SORCS3: variants seen among roughly 807,000 people sequenced by gnomAD.
SORCS3 encodes the protein VPS10 domain-containing receptor SorCS3.
Under a neutral mutation model 146.3 loss-of-function variants are expected in SORCS3, and 57 were observed. That is an observed-to-expected ratio of 0.39 (90% CI 0.31 to 0.49). The LOEUF (loss-of-function observed/expected upper bound fraction) is 0.49. Among genes scored for constraint, SORCS3 ranks in the 20% least tolerant of loss-of-function variants. The probability of loss-of-function intolerance (pLI) is 0.92; values close to 1 mark genes in which losing one functional copy is unlikely to be tolerated. For synonymous variants in SORCS3, 653 were observed against 618.5 expected, an observed-to-expected ratio of 1.06 and a Z score of -0.83; for missense variants, 1,341 against 1,575.5, an observed-to-expected ratio of 0.85 and a Z score of 2.52.
At chr10:105,091,237 CTCCT>C (rs1290073435) in intron 6 of SORCS3, among the ~76,000 whole-genome samples, 4 of 90,206 alleles carry the variant, frequency 4.4e-5, no homozygotes, top group African/African-American at 1.4e-4. Context: ...CCTTCCTTCC[CTCCT>C]TCCTTCCTTC....
chr10:104,729,844 T>C (rs2016685896), intron 1 of SORCS3, among the ~76,000 whole-genome samples: 2 of 152,136 alleles, frequency 1.3e-5, no homozygotes, highest in African/African-American at 4.8e-5. Flanking sequence ...CAGTGTGCTG[T>C]AGGGGAAAGC....
chr10:105,114,812 T>C (rs1350667694), intron 7 of SORCS3, among the ~76,000 whole-genome samples: 1 of 152,130 alleles, frequency 6.6e-6, no homozygotes, highest in East Asian at 1.9e-4. Flanking sequence ...AGAAACCTTA[T>C]GTAACAAGGA....
intron 1 of SORCS3, among the ~76,000 whole-genome samples, chr10:104,839,806 C>T (rs187552258): frequency 1.5e-4 from 23 of 152,170 alleles, no homozygotes; most frequent in Non-Finnish European, 2.8e-4. Context: ...GAAAAATGCC[C>T]GTGAGAGAAA....
At chr10:105,200,490 T>C (rs1210408982) in intron 15 of SORCS3, among the ~76,000 whole-genome samples, 1 of 152,138 alleles carries the variant, frequency 6.6e-6, no homozygotes, top group Non-Finnish European at 1.5e-5. Context: ...CAGACTAGCC[T>C]GAAATAAGGG....
intron 6 of SORCS3, among the ~76,000 whole-genome samples, chr10:105,102,638 G>A (rs1300908786): frequency 6.6e-6 from 1 of 152,016 alleles, no homozygotes; most frequent in Non-Finnish European, 1.5e-5. Context: ...CATGCAATTT[G>A]CCTATGCACA....
At chr10:105,025,351 T>A (rs1228686679) in intron 4 of SORCS3, among the ~76,000 whole-genome samples, 1 of 152,146 alleles carries the variant, frequency 6.6e-6, no homozygotes, top group East Asian at 1.9e-4. Flanking sequence ...CTGTGGGCTG[T>A]CCTTTGAGCA....
At chr10:104,777,377 A>G (rs1431374444) in intron 1 of SORCS3, among the ~76,000 whole-genome samples, 4 of 152,172 alleles carry the variant, frequency 2.6e-5, no homozygotes, top group Non-Finnish European at 4.4e-5. Context: ...AGACCCCAAC[A>G]TGCTTAATTC....
At chr10:104,705,112 T>A (rs2016320739) in intron 1 of SORCS3, among the ~76,000 whole-genome samples, 1 of 152,224 alleles carries the variant, frequency 6.6e-6, no homozygotes. Context: ...GAAAAATTTG[T>A]CTGAACTTTA....
chr10:105,064,377 G>A (rs534484756), intron 5 of SORCS3, among the ~76,000 whole-genome samples: 2 of 152,302 alleles, frequency 1.3e-5, no homozygotes, highest in South Asian at 2.1e-4. Context: ...TACAAAGCTG[G>A]ATGGATGATT....
intron 1 of SORCS3, among the ~76,000 whole-genome samples, chr10:104,723,102 T>A (rs1312484713): frequency 6.6e-6 from 1 of 152,240 alleles, no homozygotes; most frequent in Non-Finnish European, 1.5e-5. Flanking sequence ...TCCTGCTTTC[T>A]CTTGTGGGCA....
intron 14 of SORCS3, among the ~76,000 whole-genome samples, chr10:105,198,978 A>T (rs1032515369): frequency 1.3e-5 from 2 of 152,158 alleles, no homozygotes; most frequent in Non-Finnish European, 2.9e-5. Context: ...TTTAGAGAGC[A>T]TAAGAAAATG....
At chr10:104,917,645 C>G (rs2019046089) in intron 3 of SORCS3, among the ~76,000 whole-genome samples, 1 of 152,152 alleles carries the variant, frequency 6.6e-6, no homozygotes, top group Non-Finnish European at 1.5e-5. Flanking sequence ...AACATGCCTC[C>G]CCTTTAACCA....
intron 2 of SORCS3, 136 bp downstream of exon 2, chr10:104,842,995 G>A: frequency 1.4e-6 from 1 of 706,190 alleles, no homozygotes; most frequent in Admixed American, 2.3e-5. Flanking sequence ...AATGCTCTGG[G>A]TGGAACTGAT....
At chr10:105,160,573 G>A (rs1323386390) in intron 11 of SORCS3, among the ~76,000 whole-genome samples, 2 of 152,170 alleles carry the variant, frequency 1.3e-5, no homozygotes, top group Non-Finnish European at 2.9e-5. Flanking sequence ...GTTGCAGTGA[G>A]CCAAGGTGGT....
At chr10:105,103,689 A>T (rs2055802212) in intron 6 of SORCS3, among the ~76,000 whole-genome samples, 1 of 152,212 alleles carries the variant, frequency 6.6e-6, no homozygotes, top group African/African-American at 2.4e-5. Context: ...TGTGCAGATG[A>T]TGACTGTTGA....
chr10:104,856,954 A>G (rs1289845749), intron 2 of SORCS3, among the ~76,000 whole-genome samples: 2 of 150,138 alleles, frequency 1.3e-5, no homozygotes, highest in Admixed American at 1.4e-4. Flanking sequence ...GTAAGAAATA[A>G]TAACAGAATT....
chr10:104,725,235 G>T, intron 1 of SORCS3, among the ~76,000 whole-genome samples: 1 of 152,328 alleles, frequency 6.6e-6, no homozygotes, highest in East Asian at 1.9e-4. Context: ...GTTTGCTGGA[G>T]GTCCACTCCA....
intron 4 of SORCS3, among the ~76,000 whole-genome samples, chr10:104,983,835 C>G (rs1231302027): frequency 6.6e-6 from 1 of 151,982 alleles, no homozygotes; most frequent in Non-Finnish European, 1.5e-5. Context: ...CATTCTCTGC[C>G]TATATCTTGA....
chr10:104,853,636 A>C (rs2018297568), intron 2 of SORCS3, among the ~76,000 whole-genome samples: 2 of 152,188 alleles, frequency 1.3e-5, no homozygotes, highest in Admixed American at 6.5e-5. Context: ...TGGGTCAAGG[A>C]GTCGAAACTT....
Sources: allele counts gnomAD v4.1 joint callset (sites outside exome capture counted in the v4.1 genomes callset), GRCh38; gene constraint gnomAD v4.1.1; transcripts MANE v1.5; gene names NCBI Gene and HGNC (gene_info 2026-07-23, HGNC 2026-07-21).